BNIPL: variants seen among roughly 807,000 people sequenced by gnomAD.
The protein encoded by BNIPL is BCL2 interacting protein like.
A neutral mutation model predicts 47.0 loss-of-function variants in BNIPL; 33 were observed. The observed-to-expected ratio is 0.70, with a 90% CI of 0.53 to 0.94. The LOEUF (loss-of-function observed/expected upper bound fraction) is 0.94, where lower values mean the gene tolerates loss of function less well. Ranked by LOEUF, BNIPL falls within the 40% of genes least tolerant of loss-of-function variation. BNIPL has a pLI of 0.00. For missense variants in BNIPL, 404 were observed against 445.2 expected, an observed-to-expected ratio of 0.91 and a Z score of 0.83; for synonymous variants, 145 against 162.7, an observed-to-expected ratio of 0.89 and a Z score of 0.83.
chr1:151,046,598 A>G, intron 9 of BNIPL, 53 bp from the exon 10 acceptor site: 2 of 1,501,012 alleles, frequency 1.3e-6, no homozygotes, highest in Non-Finnish European at 1.8e-6. Context: ...AGAAAATAAA[A>G]CCCAAGTCCT....
Position 151,036,733 on chromosome 1 carries a change from C to T in BNIPL, c.8C>T (p.Thr3Ile). MGTIQEAGKKTDV... is the reference protein window; with the variant it reads MGIIQEAGKKTDV... ...GCAGGAAGACTTGTGAAGATGGGAA[C>T]TATACAAGAGGCAGGAAAAAAGACA... The change falls in exon 1 of 10, where the codon ACT (threonine) becomes ATT (isoleucine). Residue 3 changes from threonine (T) to isoleucine (I), a missense_variant. Thr to Ile is a moderately conservative substitution (Grantham distance 89, BLOSUM62 -1). Transcript: ENST00000368931. The T allele has an allele frequency of 6.2e-7, 1 of 1,611,708 alleles. No individual in the cohort carries two copies. Among genetic ancestry groups the T allele is most frequent in the Non-Finnish European group, 8.5e-7 (1 of 1,177,856 alleles).
chr1:151,037,474 C>T, intron 1 of BNIPL, 93 bp from the exon 2 acceptor site: 2 of 1,507,492 alleles, frequency 1.3e-6, no homozygotes, highest in Middle Eastern at 2.3e-4. Context: ...AAGGCCTATC[C>T]TCTGCTCTGT....
chr1:151,040,518 G>T (rs1201658367), intron 4 of BNIPL, among the ~76,000 whole-genome samples: 1 of 152,050 alleles, frequency 6.6e-6, no homozygotes, highest in Non-Finnish European at 1.5e-5. Context: ...TTCTTAGGCT[G>T]GGAGCGGTGG....
intron 7 of BNIPL, among the ~76,000 whole-genome samples, chr1:151,045,265 T>TAAAA (rs1675971938): frequency 4.3e-5 from 1 of 23,018 alleles, no homozygotes; most frequent in Non-Finnish European, 6.6e-5. Flanking sequence ...AGATTCCATC[T>TAAAA]CAAAAAAAAA....
intron 7 of BNIPL, 36 bp from the exon 8 acceptor site, chr1:151,045,761 G>T: frequency 6.2e-7 from 1 of 1,613,820 alleles, no homozygotes; most frequent in Non-Finnish European, 8.5e-7. Flanking sequence ...CATAAAGGTG[G>T]AAGAAGAAAT....
In BNIPL at chr1:151,043,667, G is replaced by A. The variant is rs748322612; in HGVS notation, c.791G>A (p.Ser264Asn). 2 of 1,613,550 alleles carry A rather than the reference G, an allele frequency of 1.2e-6. No individual in the cohort carries two copies. Among genetic ancestry groups the A allele is most frequent in the Admixed American group, 1.7e-5 (1 of 60,004 alleles). The change falls in exon 7 of 10, where the codon AGC (serine) becomes AAC (asparagine). Residue 264 changes from serine to asparagine, a missense_variant. By Grantham distance (46) the Ser-to-Asn change is conservative (BLOSUM62 1). Transcript: ENST00000368931. ...CTTGTTCATTTGAGTGGAGGCACAA[G>A]CAGGGCCCAAGTTCCACCTCTAAGC... ...YLLVHLSGGTSRAQVPPLSWI... is the reference protein window; with the variant it reads ...YLLVHLSGGTNRAQVPPLSWI...
rs1266670554 is a variant in BNIPL at position 151,046,641 on chromosome 1, C to T, written c.1038-10C>T. 6.2e-7 allele frequency: 1 copy of T among 1,605,086 alleles called. No homozygotes were observed. Among genetic ancestry groups the T allele is most frequent in the Admixed American group, 1.7e-5 (1 of 59,958 alleles). On this transcript the variant is annotated splice_polypyrimidine_tract_variant and intron_variant, in intron 9 of 9. Coordinates refer to ENST00000368931, the MANE Select transcript of BNIPL (RefSeq NM_138278.4). ...GAACCACTTCTCTCCTCCCCCTCTC[C>T]CTCTCCTAGGCTGGACCGGGATCTC...
intron 7 of BNIPL, 181 bp from the exon 8 acceptor site, chr1:151,045,616 G>T: frequency 8.9e-7 from 1 of 1,121,468 alleles, no homozygotes; most frequent in Non-Finnish European, 1.2e-6. Flanking sequence ...ATCATGGAGG[G>T]CTAAATAAGA....
In BNIPL at chr1:151,046,660, G is replaced by T. The variant is rs1369080166; in HGVS notation, c.1047G>T (p.Arg349=). 1.9e-6 allele frequency: 3 copies of T among 1,603,146 alleles called. No individual in the cohort carries two copies. Among genetic ancestry groups the T allele is most frequent in the Non-Finnish European group, 2.6e-6 (3 of 1,173,586 alleles). ...HIPEAVRQLD[R]DLHGSGGT ...CCTCTCCCTCTCCTAGGCTGGACCG[G>T]GATCTCCATGGCTCAGGAGGGACAT... is the stretch of plus-strand genomic sequence containing the variant. Residue 349 remains arginine (R), a synonymous_variant, in exon 10 of 10, where the codon CGG becomes CGT. Coordinates refer to ENST00000368931, the MANE Select transcript of BNIPL (RefSeq NM_138278.4).
chr1:151,037,281 G>A, intron 1 of BNIPL: 1 of 1,069,610 alleles, frequency 9.3e-7, no homozygotes, highest in Non-Finnish European at 1.2e-6. Context: ...CCAGCCACTT[G>A]TAATGTGGGA....
chr1:151,043,531 A>C, intron 6 of BNIPL, 65 bp from the exon 7 acceptor site: 1 of 1,557,668 alleles, frequency 6.4e-7, no homozygotes, highest in East Asian at 2.2e-5. Flanking sequence ...GAGAGTCTAC[A>C]GTAATGTTCC....
chr1:151,043,064 T>C lies in BNIPL; in HGVS notation c.542T>C (p.Phe181Ser), dbSNP rs201384771. The C allele has an allele frequency of 1.9e-6, 3 of 1,611,314 alleles. No individual in the cohort carries two copies. Among genetic ancestry groups the C allele is most frequent in the East Asian group, 2.2e-5 (1 of 44,874 alleles). Residue 181 changes from phenylalanine (F) to serine (S), a missense_variant, in exon 5 of 10, where the codon TTC (phenylalanine) becomes TCC (serine). Phe to Ser is a radical substitution (Grantham distance 155). Transcript: ENST00000368931. Reference protein sequence around the residue: ...TGEDGHHWRVFRMGPREQRVD... With the variant: ...TGEDGHHWRVSRMGPREQRVD... Reference sequence around the variant, plus strand: ...GAAGATGGACATCACTGGAGGGTGTTCCGAATGGGACCACGGGAGCAGCGC... The same window carrying C: ...GAAGATGGACATCACTGGAGGGTGTCCCGAATGGGACCACGGGAGCAGCGC...
chr1:151,038,602 G>C, intron 3 of BNIPL, 34 bp downstream of exon 3: 2 of 1,606,970 alleles, frequency 1.2e-6, no homozygotes, highest in South Asian at 1.1e-5. Flanking sequence ...TCAAGTTCTT[G>C]ATTCTAGTCC....
chr1:151,043,168 A>G (rs1452723424), intron 5 of BNIPL, 30 bp downstream of exon 5: 2 of 1,594,116 alleles, frequency 1.3e-6, no homozygotes, highest in Admixed American at 1.7e-5. Flanking sequence ...AGGTGTTAAG[A>G]GCTATGGCTT....
intron 1 of BNIPL, 114 bp from the exon 2 acceptor site, chr1:151,037,453 G>C: frequency 6.9e-7 from 1 of 1,458,400 alleles, no homozygotes; most frequent in Non-Finnish European, 9.1e-7. Context: ...CAAGAGATCT[G>C]AGTCCTTTTG....
chr1:151,038,758 C>A (rs377571653), intron 3 of BNIPL, 38 bp from the exon 4 acceptor site: 4 of 1,557,304 alleles, frequency 2.6e-6, no homozygotes, highest in Non-Finnish European at 3.5e-6. Context: ...CTCCAACACA[C>A]ACACCCATCT....
chr1:151,047,532 C>T lies in BNIPL; in HGVS notation c.*845C>T, dbSNP rs1676075502. The T allele has an allele frequency of 6.0e-6, 2 of 334,946 alleles. No homozygotes were observed. Among genetic ancestry groups the T allele is most frequent in the Non-Finnish European group, 1.1e-5 (2 of 184,728 alleles). 20.7% of individuals were successfully genotyped at this position (334,946 alleles called of 1,614,324 possible). On this transcript the variant is annotated 3_prime_UTR_variant, in exon 10 of 10. Transcript: ENST00000368931. ...GTGCTTTCAAAACCTGTATTTTTGC[C>T]CTCTTTAGTAAATTTAGAACTGTAG...
chr1:151,042,028 T>A (rs897483438), intron 4 of BNIPL, among the ~76,000 whole-genome samples: 18 of 151,712 alleles, frequency 1.2e-4, no homozygotes, highest in Admixed American at 3.9e-4. Context: ...ATAATTTATT[T>A]ATTATTATTA....
At chr1:151,038,739 C>T in intron 3 of BNIPL, 57 bp from the exon 4 acceptor site, 1 of 1,552,332 alleles carries the variant, frequency 6.4e-7, no homozygotes, top group Non-Finnish European at 8.7e-7. Context: ...AATTCTAGCC[C>T]TCTCGGCTCT....
Sources: gnomAD v4.1 joint callset for allele counts (sites outside exome capture counted in the v4.1 genomes callset) on GRCh38, gnomAD v4.1.1 for gene constraint, MANE v1.5 for transcripts, NCBI Gene and HGNC (gene_info 2026-07-23, HGNC 2026-07-21) for gene names.